The following NLRP13 variants were observed in gnomAD, a reference collection of about 807,000 sequenced individuals.
NLRP13 encodes the protein NLR family pyrin domain containing 13.
NLRP13 carries 82 observed loss-of-function variants against 94.4 expected under a neutral mutation model. The ratio of observed to expected loss-of-function variants is 0.87; its 90% CI spans 0.73 to 1.04. The LOEUF is 1.04. NLRP13 is among the 50% of genes least tolerant of loss of function. The probability of loss-of-function intolerance (pLI) is 0.00; values close to 1 mark genes in which losing one functional copy is unlikely to be tolerated. For synonymous variants in NLRP13, 553 were observed against 464.7 expected, an observed-to-expected ratio of 1.19 and a Z score of -2.45; for missense variants, 1,426 against 1,230.8, an observed-to-expected ratio of 1.16 and a Z score of -2.37.
chr19:55,924,709 G>C, intron 2 of NLRP13, 51 bp from the exon 3 acceptor site: 1 of 1,521,924 alleles, frequency 6.6e-7, no homozygotes. Flanking sequence ...AGTGAAAATG[G>C]GCCAGCAATA....
In NLRP13 at chr19:55,907,845, G is replaced by T. The variant is rs764604840; in HGVS notation, c.2394C>A (p.Val798=). 3.8e-5 allele frequency: 61 copies of T among 1,613,812 alleles called. No individual in the cohort carries two copies. In the South Asian group the frequency reaches 6.6e-4, roughly 17 times the overall value. Reference sequence around the variant, plus strand: ...GTCTCAAAGCTTTAAGAATCAGGGGGACAGTCATTCCCAGCTTGTTAGAGC... The same window carrying T: ...GTCTCAAAGCTTTAAGAATCAGGGGTACAGTCATTCCCAGCTTGTTAGAGC... ...NFSSNKLGMT[V]PLILKALRHS... is the part of the protein sequence containing the mutation. Residue 798 remains valine (V), a synonymous_variant, in exon 7 of 11, where the codon GTC becomes GTA. Transcript: ENST00000342929.
intron 4 of NLRP13, among the ~76,000 whole-genome samples, chr19:55,921,214 A>G (rs1246723576): frequency 1.3e-5 from 2 of 152,200 alleles, no homozygotes; most frequent in East Asian, 3.8e-4. Context: ...AGACTTTACC[A>G]CTACACGATA....
In NLRP13 at chr19:55,913,293, T is replaced by C; in HGVS notation, c.524A>G (p.Asp175Gly). The C allele has an allele frequency of 6.2e-7, 1 of 1,612,624 alleles. No homozygotes were observed. Among genetic ancestry groups the C allele is most frequent in the Non-Finnish European group, 8.5e-7 (1 of 1,179,148 alleles). The change falls in exon 5 of 11, where the codon GAC becomes GGC. Residue 175 changes from aspartate to glycine, a missense_variant and splice_region_variant. By Grantham distance (94) the Asp-to-Gly change is moderately conservative. Coordinates refer to ENST00000342929, the MANE Select transcript of NLRP13 (RefSeq NM_176810.2). ...QEEPEMLEEA[D>G]HRRKYRENMK... is the part of the protein sequence containing the mutation. ...GTTCTCTCTGTATTTTCTTCTGTGG[T>C]CTAGAGAGGGCGGAGTGGGGAGAAG... is the stretch of plus-strand genomic sequence containing the variant.
At chr19:55,898,694 G>A (rs148415051) in intron 10 of NLRP13, 76 bp downstream of exon 10, 39 of 1,409,946 alleles carry the variant, frequency 2.8e-5, no homozygotes, top group African/African-American at 2.4e-4. Flanking sequence ...TCTAACCCCC[G>A]ATGGGATCCG....
At position 55,923,944 on chromosome 19, in the gene NLRP13, G is replaced by C. The variant is rs769692236; in HGVS notation, c.493C>G (p.Gln165Glu). 3.1e-6 allele frequency: 5 copies of C among 1,613,658 alleles called. No individual in the cohort carries two copies. The South Asian group carries it at 4.4e-5, about 14-fold the overall frequency. Residue 165 changes from glutamine (Q) to glutamate (E), a missense_variant, in exon 4 of 11, where the codon CAA (glutamine) becomes GAA (glutamate). Physicochemically the swap from Gln to Glu is conservative, Grantham distance 29. Transcript: ENST00000342929. Reference sequence around the variant, plus strand: ...TCCTCTAGCATCTCTGGTTCTTCTTGGTTTGGATCTTGGCATCCCTGGGCC... The same window carrying C: ...TCCTCTAGCATCTCTGGTTCTTCTTCGTTTGGATCTTGGCATCCCTGGGCC... ...VQAQGCQDPN[Q>E]EEPEMLEEAD...
At chr19:55,922,296 A>G (rs1005233586) in intron 4 of NLRP13, among the ~76,000 whole-genome samples, 1 of 151,906 alleles carries the variant, frequency 6.6e-6, no homozygotes, top group Non-Finnish European at 1.5e-5. Flanking sequence ...TGTCTCTCAA[A>G]GAGGTTTTTT....
chr19:55,897,977 C>G (rs1986059224), intron 10 of NLRP13, among the ~76,000 whole-genome samples: 1 of 152,136 alleles, frequency 6.6e-6, no homozygotes, highest in South Asian at 2.1e-4. Context: ...AGCAACTCAT[C>G]TTAGTCTGCT....
intron 9 of NLRP13, among the ~76,000 whole-genome samples, chr19:55,899,797 G>GCCATA (rs1568686845): frequency 6.6e-6 from 1 of 152,006 alleles, no homozygotes; most frequent in African/African-American, 2.4e-5. Context: ...TTTTGACTAC[G>GCCATA]TGAAGAACGT....
chr19:55,926,499 T>C (rs926429474), intron 1 of NLRP13, among the ~76,000 whole-genome samples: 1 of 152,204 alleles, frequency 6.6e-6, no homozygotes. Flanking sequence ...GAGTATGTTT[T>C]AAATGCCAGA....
chr19:55,899,778 T>TA (rs903287155), intron 9 of NLRP13, among the ~76,000 whole-genome samples: 5 of 152,048 alleles, frequency 3.3e-5, no homozygotes, highest in Non-Finnish European at 5.9e-5. Context: ...AGAGTCTGTT[T>TA]AAAAAAAATT....
rs80248394 is a variant in NLRP13, at chr19:55,924,608, C to A, written c.439G>T (p.Glu147Ter). 6.2e-7 allele frequency: 1 copy of A among 1,612,758 alleles called. No homozygotes were observed. The highest frequency in any genetic ancestry group is 1.7e-5 in the Admixed American group (1 of 59,950). ...TACACACCTGTTTCTTCTTCTAGCT[C>A]GTCTAGTTCTTCTTGGTTTGGATCT... is the stretch of plus-strand genomic sequence containing the variant. ...CQDPNQEELD[E>*]LEEETGNVQA... is the part of the protein sequence containing the mutation. Residue 147 changes from glutamate (E) to a stop codon, truncating the protein, a stop_gained, in exon 3 of 11, where the codon GAG becomes TAG. Coordinates refer to ENST00000342929, the MANE Select transcript of NLRP13 (RefSeq NM_176810.2). LOFTEE classifies it high-confidence loss of function.
chr19:55,921,132 G>C (rs957813936), intron 4 of NLRP13, among the ~76,000 whole-genome samples: 6 of 152,110 alleles, frequency 3.9e-5, no homozygotes, highest in Non-Finnish European at 7.4e-5. Context: ...AGGTAGGAGG[G>C]GGTTGAGGGA....
intron 4 of NLRP13, among the ~76,000 whole-genome samples, chr19:55,920,000 G>C (rs567091364): frequency 6.6e-6 from 1 of 152,054 alleles, no homozygotes; most frequent in Non-Finnish European, 1.5e-5. Context: ...CAATGTAACA[G>C]AATAGAGAGG....
At chr19:55,925,470 A>G (rs1447482326) in intron 1 of NLRP13, among the ~76,000 whole-genome samples, 2 of 152,112 alleles carry the variant, frequency 1.3e-5, no homozygotes, top group Non-Finnish European at 2.9e-5. Context: ...CGTTATGTCT[A>G]TTGCCTGTCT....
intron 4 of NLRP13, among the ~76,000 whole-genome samples, chr19:55,920,728 T>G (rs1046265408): frequency 2.6e-5 from 4 of 152,230 alleles, no homozygotes; most frequent in Admixed American, 1.3e-4. Context: ...GAACTACCAT[T>G]TGATCAAACA....
chr19:55,904,508 G>A (rs954932010), intron 8 of NLRP13, among the ~76,000 whole-genome samples: 7 of 152,142 alleles, frequency 4.6e-5, no homozygotes, highest in Non-Finnish European at 7.3e-5. Flanking sequence ...AGACCCTGCT[G>A]GGAAATCAAC....
intron 7 of NLRP13, among the ~76,000 whole-genome samples, chr19:55,905,921 A>C (rs938300114): frequency 1.3e-5 from 2 of 152,208 alleles, no homozygotes; most frequent in Non-Finnish European, 2.9e-5. Flanking sequence ...TCCAGTTGAA[A>C]ACCCCTGGAT....
intron 6 of NLRP13, among the ~76,000 whole-genome samples, chr19:55,908,859 C>T (rs1049886772): frequency 1.3e-5 from 2 of 152,114 alleles, no homozygotes; most frequent in African/African-American, 2.4e-5. Flanking sequence ...GTACAACAAA[C>T]CCCATGACAC....
At chr19:55,910,485 C>T in intron 6 of NLRP13, 78 bp downstream of exon 6, 1 of 1,370,936 alleles carries the variant, frequency 7.3e-7, no homozygotes, top group Non-Finnish European at 9.8e-7. Flanking sequence ...GGCAAATAGT[C>T]AACCACACTC....
Sources: allele counts gnomAD v4.1 joint callset (sites outside exome capture counted in the v4.1 genomes callset), GRCh38; gene constraint gnomAD v4.1.1; transcripts MANE v1.5; gene names NCBI Gene and HGNC (gene_info 2026-07-23, HGNC 2026-07-21).